Variants in NRG3 observed in about 807,000 individuals in gnomAD.
NRG3 encodes pro-neuregulin-3, membrane-bound isoform.
NRG3 carries 31 observed loss-of-function variants against 66.9 expected under a neutral mutation model. The ratio of observed to expected loss-of-function variants is 0.46; its 90% CI spans 0.35 to 0.63. The LOEUF (loss-of-function observed/expected upper bound fraction) is 0.63. NRG3 is among the 20% of genes least tolerant of loss of function. The pLI is 0.00. For missense variants in NRG3, 910 were observed against 878.9 expected (o/e 1.04, Z -0.45); for synonymous variants, 393 against 359.4 (o/e 1.09, Z -1.06).
At chr10:82,678,314 C>T (rs943488283) in intron 2 of NRG3, among the ~76,000 whole-genome samples, 3 of 151,416 alleles carry the variant, frequency 2.0e-5, no homozygotes, top group South Asian at 2.1e-4. Context: ...GGGGTGGGAC[C>T]GTTTTATAAG....
At chr10:82,187,264 C>A (rs2073862006) in intron 1 of NRG3, among the ~76,000 whole-genome samples, 2 of 152,086 alleles carry the variant, frequency 1.3e-5, no homozygotes, top group Non-Finnish European at 2.9e-5. Context: ...AAAAGTATGG[C>A]TTAACATTCC....
chr10:81,877,479 T>G (rs1285412065), intron 1 of NRG3, among the ~76,000 whole-genome samples: 3 of 152,226 alleles, frequency 2.0e-5, no homozygotes, highest in African/African-American at 7.2e-5. Flanking sequence ...TCAGTGATGA[T>G]GGGAATACTG....
chr10:82,626,703 A>AGG (rs2049448360), intron 2 of NRG3, among the ~76,000 whole-genome samples: 1 of 152,140 alleles, frequency 6.6e-6, no homozygotes, highest in African/African-American at 2.4e-5. Context: ...CAACATACAC[A>AGG]CAGAATAACT....
chr10:82,378,631 T>C (rs2085415251), intron 2 of NRG3, among the ~76,000 whole-genome samples: 1 of 151,962 alleles, frequency 6.6e-6, no homozygotes, highest in Non-Finnish European at 1.5e-5. Flanking sequence ...AGTGCGGTGG[T>C]GCGATCTTGG....
At chr10:82,702,414 C>T (rs2055956606) in intron 2 of NRG3, among the ~76,000 whole-genome samples, 2 of 152,112 alleles carry the variant, frequency 1.3e-5, no homozygotes, top group South Asian at 4.1e-4. Context: ...AAGAATTTTC[C>T]ACAGCCTTAA....
At chr10:82,084,730 C>T (rs535865932) in intron 1 of NRG3, among the ~76,000 whole-genome samples, 5 of 152,204 alleles carry the variant, frequency 3.3e-5, no homozygotes, top group South Asian at 2.1e-4. Context: ...TGAGCCCACA[C>T]GTTCAAGATT....
intron 2 of NRG3, among the ~76,000 whole-genome samples, chr10:82,547,531 G>A (rs1247905797): frequency 6.6e-6 from 1 of 150,490 alleles, no homozygotes; most frequent in Non-Finnish European, 1.5e-5. Context: ...GTGTGTATAT[G>A]TATAGACACA....
chr10:82,008,630 C>T (rs1042520328), intron 1 of NRG3, among the ~76,000 whole-genome samples: 1 of 152,158 alleles, frequency 6.6e-6, no homozygotes, highest in Non-Finnish European at 1.5e-5. Flanking sequence ...TCATGCAAGA[C>T]CTGTCACCCA....
intron 1 of NRG3, among the ~76,000 whole-genome samples, chr10:82,159,994 T>A (rs149789034): frequency 1.3e-5 from 2 of 152,014 alleles, no homozygotes; most frequent in African/African-American, 4.8e-5. Flanking sequence ...AGAAACATCT[T>A]GAGCTGAGCC....
chr10:82,373,151 G>A (rs1241960750), intron 2 of NRG3, among the ~76,000 whole-genome samples: 7 of 152,194 alleles, frequency 4.6e-5, no homozygotes, highest in Non-Finnish European at 8.8e-5. Flanking sequence ...TATGGGTCAG[G>A]CAGCAGGTTA....
chr10:82,500,789 C>T (rs934296921), intron 2 of NRG3, among the ~76,000 whole-genome samples: 1 of 151,960 alleles, frequency 6.6e-6, no homozygotes, highest in Non-Finnish European at 1.5e-5. Flanking sequence ...ATGATCTTTC[C>T]AGTTGAAAAA....
chr10:81,999,372 A>G (rs748390494), intron 1 of NRG3, among the ~76,000 whole-genome samples: 1 of 152,190 alleles, frequency 6.6e-6, no homozygotes, highest in Non-Finnish European at 1.5e-5. Flanking sequence ...GGTGTTTTCA[A>G]CTAAGTTATT....
At chr10:81,924,858 A>G (rs1846617811) in intron 1 of NRG3, among the ~76,000 whole-genome samples, 1 of 151,966 alleles carries the variant, frequency 6.6e-6, no homozygotes, top group African/African-American at 2.4e-5. Flanking sequence ...GATAATTACT[A>G]TTCTGTAGTT....
At chr10:82,462,997 C>A (rs2091591485) in intron 2 of NRG3, among the ~76,000 whole-genome samples, 2 of 152,168 alleles carry the variant, frequency 1.3e-5, no homozygotes, top group African/African-American at 4.8e-5. Flanking sequence ...TTAATCTCTT[C>A]ATTATCTGTC....
At chr10:82,325,177 T>G (rs2081799645) in intron 1 of NRG3, among the ~76,000 whole-genome samples, 1 of 152,020 alleles carries the variant, frequency 6.6e-6, no homozygotes, top group African/African-American at 2.4e-5. Flanking sequence ...ACTCTTTTGT[T>G]TTCTTTCTTC....
intron 3 of NRG3, among the ~76,000 whole-genome samples, chr10:82,762,615 G>A (rs2059373437): frequency 6.6e-6 from 1 of 152,174 alleles, no homozygotes; most frequent in Admixed American, 6.5e-5. Flanking sequence ...ATGCATGCCT[G>A]TGTGTCTGTG....
At chr10:81,910,816 T>C (rs1294829328) in intron 1 of NRG3, among the ~76,000 whole-genome samples, 5 of 152,042 alleles carry the variant, frequency 3.3e-5, no homozygotes, top group Non-Finnish European at 1.5e-5. Context: ...CATGCCCAGC[T>C]AATTTTTATT....
At chr10:82,045,491 T>C (rs11192288) in intron 1 of NRG3, among the ~76,000 whole-genome samples, 27,942 of 39,792 alleles carry the variant, frequency 0.7, 11,484 homozygotes, top group Middle Eastern at 0.96. Flanking sequence ...GAGTAGGTTG[T>C]GAGAATTTTC....
At chr10:81,889,196 C>T (rs1034207691) in intron 1 of NRG3, 2 of 152,166 alleles carry the variant, frequency 1.3e-5, no homozygotes, top group Admixed American at 1.3e-4. Flanking sequence ...TTAGGTTTTT[C>T]AGAGGCAAAA....
Sources: allele counts gnomAD v4.1 joint callset (sites outside exome capture counted in the v4.1 genomes callset), GRCh38; gene constraint gnomAD v4.1.1; transcripts MANE v1.5; gene names NCBI Gene and HGNC (gene_info 2026-07-23, HGNC 2026-07-21).